The following CNPY1 variants were observed in gnomAD, a reference collection of about 807,000 sequenced individuals.
CNPY1 encodes canopy FGF signaling regulator 1, also known as protein canopy homolog 1.
CNPY1 carries 14 observed loss-of-function variants against 14.4 expected under a neutral mutation model. The ratio of observed to expected loss-of-function variants is 0.97; its 90% CI spans 0.64 to 1.52. The LOEUF is 1.52. CNPY1 is among the 40% of genes most tolerant of loss of function. The pLI, the probability that CNPY1 is intolerant of heterozygous loss-of-function variation, is 0.00. For missense variants in CNPY1, 129 were observed against 131.5 expected, an observed-to-expected ratio of 0.98 and a Z score of 0.09; for synonymous variants, 43 against 46.5, an observed-to-expected ratio of 0.92 and a Z score of 0.31.
At position 155,539,941 on chromosome 7, in the gene CNPY1, G is replaced by A. The variant is rs117191983; in HGVS notation, c.99+5890C>T. On this transcript the variant is annotated intron_variant, in intron 2 of 4. Coordinates refer to ENST00000636446, the MANE Select transcript of CNPY1 (RefSeq NM_001393663.1). ...ACCAGCAAGTTATGGGAAGGTGAGG[G>A]GTAGAACTGCACCGTGAACACAGAT... Among the ~76,000 whole-genome samples the A allele has an allele frequency of 1.5e-3, 224 of 152,128 alleles. 1 individual carries two copies. The highest frequency in any genetic ancestry group is 6.8e-3 in the Middle Eastern group (2 of 294).
At chr7:155,514,509 G>A (rs1419419027) in intron 2 of CNPY1, among the ~76,000 whole-genome samples, 1 of 152,208 alleles carries the variant, frequency 6.6e-6, no homozygotes, top group Non-Finnish European at 1.5e-5. Flanking sequence ...ACCTAGAAGA[G>A]CGGAAAAGTC....
intron 2 of CNPY1, among the ~76,000 whole-genome samples, chr7:155,542,960 G>C (rs1797103878): frequency 6.6e-6 from 1 of 152,094 alleles, no homozygotes; most frequent in Admixed American, 6.5e-5. Flanking sequence ...GCACACACTG[G>C]GTCCGCACAG....
At chr7:155,542,585 G>T (rs1446523752) in intron 2 of CNPY1, among the ~76,000 whole-genome samples, 1 of 149,608 alleles carries the variant, frequency 6.7e-6, no homozygotes, top group Non-Finnish European at 1.5e-5. Flanking sequence ...GGCAAAGTAT[G>T]CAGAGTAGAA....
chr7:155,509,524 CAG>C (rs962572146), intron 2 of CNPY1, among the ~76,000 whole-genome samples: 4 of 151,466 alleles, frequency 2.6e-5, no homozygotes, highest in Non-Finnish European at 5.9e-5. Flanking sequence ...GAGGGAGAGA[CAG>C]AGAGAGGGAG....
intron 4 of CNPY1, among the ~76,000 whole-genome samples, chr7:155,504,393 C>T (rs569501836): frequency 1.3e-5 from 2 of 151,996 alleles, no homozygotes; most frequent in African/African-American, 2.4e-5. Flanking sequence ...AATGTTAGAA[C>T]TTCAATATTT....
intron 4 of CNPY1, chr7:155,506,572 CAAACAAAA>C (rs150181623): frequency 0.081 from 12,732 of 157,860 alleles, 1,748 homozygotes; most frequent in African/African-American, 0.29. Flanking sequence ...AACAAACAAA[CAAACAAAA>C]AAACTTTAGA....
chr7:155,526,225 G>T (rs1201152264), intron 2 of CNPY1, among the ~76,000 whole-genome samples: 3 of 152,214 alleles, frequency 2.0e-5, no homozygotes, highest in African/African-American at 7.2e-5. Flanking sequence ...AACTCAGTGT[G>T]GGGGAGCAAG....
At chr7:155,510,258 CA>C (rs1304813857) in intron 2 of CNPY1, 1 of 152,254 alleles carries the variant, frequency 6.6e-6, no homozygotes, top group African/African-American at 2.4e-5. Context: ...CCACAAATCT[CA>C]TCAGCGGCGC....
rs1796920413 is a variant in CNPY1 at position 155,530,562 on chromosome 7, T to G, written c.99+15269A>C. On this transcript the variant is annotated intron_variant, in intron 2 of 4. Coordinates refer to ENST00000636446, the MANE Select transcript of CNPY1 (RefSeq NM_001393663.1). ...GCCCAGGGGTCTTGAACTCCTGGCC[T>G]CAGGCGATCCTTCTACCTTAGCCTC... Among the ~76,000 whole-genome samples, 3 of 152,198 alleles carry G rather than the reference T, an allele frequency of 2.0e-5. No homozygotes were observed. In the South Asian group the frequency reaches 6.2e-4, roughly 32 times the overall value.
intron 2 of CNPY1, among the ~76,000 whole-genome samples, chr7:155,526,456 C>T (rs948730443): frequency 3.3e-5 from 5 of 152,120 alleles, no homozygotes; most frequent in Non-Finnish European, 5.9e-5. Context: ...GAGGAGCCAC[C>T]GCACACAGAT....
rs781096683 is a variant in CNPY1 at position 155,503,101 on chromosome 7, C to T, written c.405G>A (p.Leu135=). 6.4e-7 allele frequency: 1 copy of T among 1,561,726 alleles called. No homozygotes were observed. Among genetic ancestry groups the T allele is most frequent in the South Asian group, 1.1e-5 (1 of 88,770 alleles). Residue 135 remains leucine, a synonymous_variant, in exon 5 of 5, where the codon CTG becomes CTA. Transcript: ENST00000636446. ...CAGTATGATTAGCAGAAGTTTCACA[C>T]AGATCTGGAAAAAAAAAAAAAAGTA... ...ADKLCSEKSD[L]CETSANHTEL is the part of the protein sequence containing the mutation.
intron 2 of CNPY1, among the ~76,000 whole-genome samples, chr7:155,529,675 G>A (rs1796900682): frequency 6.6e-6 from 1 of 152,134 alleles, no homozygotes; most frequent in Admixed American, 6.6e-5. Context: ...CACTGGATTA[G>A]GCCCTGCCCC....
intron 4 of CNPY1, among the ~76,000 whole-genome samples, chr7:155,503,390 T>A (rs1165826929): frequency 6.6e-6 from 1 of 152,074 alleles, no homozygotes; most frequent in Non-Finnish European, 1.5e-5. Flanking sequence ...GCCAAGGTAT[T>A]GTGTCATTTC....
chr7:155,525,665 A>G (rs1264764105), intron 2 of CNPY1, among the ~76,000 whole-genome samples: 1 of 152,234 alleles, frequency 6.6e-6, no homozygotes, highest in Admixed American at 6.5e-5. Context: ...CTGCAAAGCT[A>G]CTGTCTGGAT....
At chr7:155,533,460 G>A (rs560988681) in intron 2 of CNPY1, among the ~76,000 whole-genome samples, 7 of 152,178 alleles carry the variant, frequency 4.6e-5, no homozygotes, top group Non-Finnish European at 8.8e-5. Context: ...CCACCTCGCC[G>A]CGGGTGCAGG....
intron 2 of CNPY1, among the ~76,000 whole-genome samples, chr7:155,529,382 T>C (rs183679741): frequency 6.6e-6 from 1 of 152,324 alleles, no homozygotes. Flanking sequence ...TAACCTGCTG[T>C]AACAAAGTGT....
At chr7:155,540,615 G>T (rs1411139553) in intron 2 of CNPY1, among the ~76,000 whole-genome samples, 1 of 152,250 alleles carries the variant, frequency 6.6e-6, no homozygotes, top group Non-Finnish European at 1.5e-5. Context: ...GCGAGGCCTT[G>T]CTCTCACACT....
rs187546328 is a variant in CNPY1, at chr7:155,501,364, T to C, written c.*1704A>G. The C allele has an allele frequency of 6.6e-6, 1 of 152,342 alleles. No individual in the cohort carries two copies. Among genetic ancestry groups the C allele is most frequent in the Non-Finnish European group, 1.5e-5 (1 of 68,026 alleles). 9.4% of individuals were successfully genotyped at this position (152,342 alleles called of 1,614,324 possible). Reference sequence around the variant, plus strand: ...TTAATTTCTATAATTAGTGTTAGCATTGCCTACATTTGAGAATGTTTGATG... The same window carrying C: ...TTAATTTCTATAATTAGTGTTAGCACTGCCTACATTTGAGAATGTTTGATG... On this transcript the variant is annotated 3_prime_UTR_variant, in exon 5 of 5. Transcript: ENST00000636446.
At chr7:155,541,722 C>T (rs1797086134) in intron 2 of CNPY1, among the ~76,000 whole-genome samples, 1 of 152,184 alleles carries the variant, frequency 6.6e-6, no homozygotes, top group Non-Finnish European at 1.5e-5. Context: ...GAGGGTCTTG[C>T]TGCCTGGCTG....
Sources: gnomAD v4.1 joint callset for allele counts (sites outside exome capture counted in the v4.1 genomes callset) on GRCh38, gnomAD v4.1.1 for gene constraint, MANE v1.5 for transcripts, NCBI Gene and HGNC (gene_info 2026-07-23, HGNC 2026-07-21) for gene names.